The following C9orf72 variants were observed in gnomAD, a reference collection of about 807,000 sequenced individuals.
C9orf72 encodes guanine nucleotide exchange factor C9orf72.
Under a neutral mutation model 51.6 loss-of-function variants are expected in C9orf72, and 44 were observed. That is an observed-to-expected ratio of 0.85 (90% CI 0.67 to 1.10). The LOEUF (loss-of-function observed/expected upper bound fraction) is 1.10. C9orf72 is among the 50% of genes least tolerant of loss of function. C9orf72 has a pLI of 0.00. For missense variants in C9orf72, 607 were observed against 570.6 expected (o/e 1.06, Z -0.65); for synonymous variants, 213 against 194.2 (o/e 1.10, Z -0.81).
chr9:27,550,906 A>G (rs190088454), intron 8 of C9orf72, among the ~76,000 whole-genome samples, 199 bp from the exon 9 acceptor site: 6 of 152,308 alleles, frequency 3.9e-5, no homozygotes, highest in Admixed American at 2.0e-4. Context: ...ACTCAAGGAT[A>G]TATTTACATT....
Position 27,567,052 on chromosome 9 carries a change from T to A in C9orf72, c.69A>T (p.Ser23=), listed in dbSNP as rs761175698. ...AKTEIALSGK[S]PLLAATFAYW... ...AAGCAAAAGTAGCTGCTAATAAAGG[T>A]GATTTGCCACTTAAAGCAATCTCTG... is the stretch of plus-strand genomic sequence containing the variant. Residue 23 remains serine (S), a synonymous_variant, in exon 2 of 11, where the codon TCA becomes TCT. Coordinates refer to ENST00000380003, the MANE Select transcript of C9orf72 (RefSeq NM_018325.5). 1 of 1,614,032 alleles carries A rather than the reference T, an allele frequency of 6.2e-7. No individual in the cohort carries two copies. The highest frequency in any genetic ancestry group is 8.5e-7 in the Non-Finnish European group (1 of 1,179,916).
chr9:27,548,158 G>C lies in C9orf72; in HGVS notation c.*78C>G. 1 of 1,091,456 alleles carries C rather than the reference G, an allele frequency of 9.2e-7. No homozygotes were observed. The highest frequency in any genetic ancestry group is 1.3e-6 in the Non-Finnish European group (1 of 759,340). The allele number at this position is 1,091,456 out of a possible 1,614,324, so 67.6% of individuals were successfully genotyped here. Reference sequence around the variant, plus strand: ...AGCAGAATTCTGGAGTATGATCCAGGGGAACGTTTCCCCACACCACTGAGC... The same window carrying C: ...AGCAGAATTCTGGAGTATGATCCAGCGGAACGTTTCCCCACACCACTGAGC... On this transcript the variant is annotated 3_prime_UTR_variant, in exon 11 of 11. Coordinates refer to ENST00000380003, the MANE Select transcript of C9orf72 (RefSeq NM_018325.5).
chr9:27,570,093 C>A (rs937442548), intron 1 of C9orf72, among the ~76,000 whole-genome samples: 3 of 152,146 alleles, frequency 2.0e-5, no homozygotes, highest in African/African-American at 7.2e-5. Flanking sequence ...TTCAAAAATT[C>A]ATTTAGGTAA....
At chr9:27,556,897 C>G (rs998661703) in intron 7 of C9orf72, 101 bp from the exon 8 acceptor site, 1 of 780,036 alleles carries the variant, frequency 1.3e-6, no homozygotes, top group Admixed American at 2.5e-5. Flanking sequence ...AAATCCATCT[C>G]TAAAAATTTA....
At chr9:27,572,907 T>C (rs1287548839) in intron 1 of C9orf72, among the ~76,000 whole-genome samples, 1 of 152,182 alleles carries the variant, frequency 6.6e-6, no homozygotes, top group Non-Finnish European at 1.5e-5. Context: ...ATGCAAGTCA[T>C]CACCACTCTC....
chr9:27,569,867 G>C (rs1043557558), intron 1 of C9orf72, among the ~76,000 whole-genome samples: 1 of 152,206 alleles, frequency 6.6e-6, no homozygotes, highest in Non-Finnish European at 1.5e-5. Context: ...ATCTGTAAAT[G>C]TATGACAAAG....
intron 4 of C9orf72, 113 bp from the exon 5 acceptor site, chr9:27,561,762 A>T (rs918328062): frequency 2.0e-5 from 12 of 613,388 alleles, no homozygotes; most frequent in Non-Finnish European, 3.3e-5. Flanking sequence ...CACTGCCTTC[A>T]TTTCCGAGAA....
At chr9:27,571,516 C>T (rs1819585893) in intron 1 of C9orf72, among the ~76,000 whole-genome samples, 1 of 152,136 alleles carries the variant, frequency 6.6e-6, no homozygotes, top group Non-Finnish European at 1.5e-5. Context: ...AATGCACTGG[C>T]AGGATCATAG....
intron 8 of C9orf72, among the ~76,000 whole-genome samples, chr9:27,552,672 C>T (rs1205375966): frequency 6.6e-6 from 1 of 151,758 alleles, no homozygotes; most frequent in Non-Finnish European, 1.5e-5. Flanking sequence ...AGGTTTTTAA[C>T]ATGGAGGATG....
At chr9:27,561,675 A>G (rs770566194) in intron 4 of C9orf72, 26 bp from the exon 5 acceptor site, 1 of 1,452,138 alleles carries the variant, frequency 6.9e-7, no homozygotes, top group Non-Finnish European at 9.6e-7. Context: ...AAATAAAAAA[A>G]TTAGTCTGGC....
rs746990973 is a variant in C9orf72 at position 27,548,625 on chromosome 9, G to C, written c.1191C>G (p.Phe397Leu). The change falls in exon 10 of 11, where the codon TTC becomes TTG. Residue 397 changes from phenylalanine to leucine, a missense_variant. By Grantham distance (22) the Phe-to-Leu change is conservative. Coordinates refer to ENST00000380003, the MANE Select transcript of C9orf72 (RefSeq NM_018325.5). ...LKPGLSLRST[F>L]LAQFLLVLHR... ...GAAGGACAAGTAGAAACTGTGCAAGGAAAGTACTTCTGAGAGATAAGCCAG... is the reference window on the plus strand; with the variant it reads ...GAAGGACAAGTAGAAACTGTGCAAGCAAAGTACTTCTGAGAGATAAGCCAG... 3 of 1,612,510 alleles carry C rather than the reference G, an allele frequency of 1.9e-6. No homozygotes were observed. The African/African-American group carries it at 4.0e-5, about 22-fold the overall frequency.
chr9:27,569,225 G>A (rs1819535144), intron 1 of C9orf72, among the ~76,000 whole-genome samples: 2 of 152,130 alleles, frequency 1.3e-5, no homozygotes, highest in Admixed American at 6.6e-5. Context: ...AGTTTACAAA[G>A]TTAAAAAGTT....
At chr9:27,568,999 G>A (rs1563906816) in intron 1 of C9orf72, among the ~76,000 whole-genome samples, 1 of 151,974 alleles carries the variant, frequency 6.6e-6, no homozygotes, top group African/African-American at 2.4e-5. Context: ...TGAGGTGGAA[G>A]GGAGTGATAC....
intron 1 of C9orf72, among the ~76,000 whole-genome samples, chr9:27,570,240 A>C (rs1819556665): frequency 1.3e-5 from 2 of 152,212 alleles, no homozygotes; most frequent in African/African-American, 4.8e-5. Context: ...AAATATAGGA[A>C]TGTAATCTGA....
At chr9:27,556,536 TA>T in intron 8 of C9orf72, 24 bp downstream of exon 8, 1 of 1,449,188 alleles carries the variant, frequency 6.9e-7, no homozygotes, top group Non-Finnish European at 9.7e-7. Context: ...TTGACTACAG[TA>T]CCAGCAGGCA....
chr9:27,561,770 G>A (rs1299454154), intron 4 of C9orf72, 121 bp from the exon 5 acceptor site: 1 of 588,956 alleles, frequency 1.7e-6, no homozygotes, highest in African/African-American at 2.0e-5. Context: ...TCATTTCCGA[G>A]AATCAAGACT....
chr9:27,551,025 T>TA (rs1304654546), intron 8 of C9orf72, among the ~76,000 whole-genome samples: 2 of 151,840 alleles, frequency 1.3e-5, no homozygotes, highest in Admixed American at 1.3e-4. Context: ...TCTCATCTTT[T>TA]AAAAAAAGTA....
chr9:27,569,123 T>C (rs1396640613), intron 1 of C9orf72, among the ~76,000 whole-genome samples: 2 of 152,090 alleles, frequency 1.3e-5, no homozygotes, highest in South Asian at 2.1e-4. Flanking sequence ...AAAAAGCTTC[T>C]AGAATAAGGA....
intron 3 of C9orf72, among the ~76,000 whole-genome samples, chr9:27,563,315 C>T (rs973413847): frequency 2.6e-5 from 4 of 152,088 alleles, no homozygotes; most frequent in African/African-American, 9.7e-5. Context: ...TAGAATCAAA[C>T]TGAAAATTCA....
Sources: allele counts gnomAD v4.1 joint callset (sites outside exome capture counted in the v4.1 genomes callset), GRCh38; gene constraint gnomAD v4.1.1; transcripts MANE v1.5; gene names NCBI Gene and HGNC (gene_info 2026-07-23, HGNC 2026-07-21).